OPCML: variants seen among roughly 807,000 people sequenced by gnomAD.
The protein encoded by OPCML is opioid-binding protein/cell adhesion molecule.
OPCML carries 13 observed loss-of-function variants against 37.8 expected under a neutral mutation model. The ratio of observed to expected loss-of-function variants is 0.34; its 90% CI spans 0.22 to 0.55. The LOEUF (loss-of-function observed/expected upper bound fraction) is 0.55. OPCML is among the 20% of genes least tolerant of loss of function. OPCML has a pLI of 0.91. For missense variants in OPCML, 341 were observed against 435.6 expected (o/e 0.78, Z 1.93); for synonymous variants, 176 against 168.8 (o/e 1.04, Z -0.33).
chr11:133,001,456 T>C (rs1947002229), intron 1 of OPCML, among the ~76,000 whole-genome samples: 1 of 152,232 alleles, frequency 6.6e-6, no homozygotes, highest in African/African-American at 2.4e-5. Context: ...ATGCTATCAT[T>C]GGGTGACTTT....
intron 4 of OPCML, among the ~76,000 whole-genome samples, chr11:132,438,936 C>A (rs2136757648): frequency 6.6e-6 from 1 of 152,208 alleles, no homozygotes; most frequent in Admixed American, 6.5e-5. Flanking sequence ...CCATGTCCTA[C>A]CCCAGGTCAT....
At chr11:133,078,228 A>C (rs1948653297) in intron 1 of OPCML, among the ~76,000 whole-genome samples, 1 of 152,196 alleles carries the variant, frequency 6.6e-6, no homozygotes, top group Admixed American at 6.5e-5. Context: ...CAATGAACTC[A>C]AGATGCGTGC....
intron 1 of OPCML, among the ~76,000 whole-genome samples, chr11:132,949,432 G>T (rs1945812420): frequency 6.6e-6 from 1 of 152,160 alleles, no homozygotes; most frequent in Non-Finnish European, 1.5e-5. Flanking sequence ...GGTGGGCCTT[G>T]TTGGGCAGCA....
chr11:133,297,326 T>G (rs974744126), intron 1 of OPCML: 7 of 152,192 alleles, frequency 4.6e-5, no homozygotes, highest in African/African-American at 1.4e-4. Context: ...AAGCTCCAAG[T>G]AAAACCCAAG....
intron 2 of OPCML, among the ~76,000 whole-genome samples, chr11:132,759,070 G>C (rs1479579872): frequency 6.6e-6 from 1 of 152,138 alleles, no homozygotes; most frequent in Non-Finnish European, 1.5e-5. Flanking sequence ...ATGTGGTTTT[G>C]TCATTGGTTC....
chr11:133,219,611 G>A (rs1483500976), intron 1 of OPCML, among the ~76,000 whole-genome samples: 4 of 152,266 alleles, frequency 2.6e-5, no homozygotes, highest in Admixed American at 2.0e-4. Context: ...TCTGCAGTGT[G>A]ATGAGAAGAC....
intron 3 of OPCML, among the ~76,000 whole-genome samples, chr11:132,532,207 G>A (rs143520433): frequency 0.027 from 4,080 of 152,220 alleles, 88 homozygotes; most frequent in Middle Eastern, 0.092. Flanking sequence ...AAGTGGGATC[G>A]CGAAGACTAA....
intron 2 of OPCML, among the ~76,000 whole-genome samples, chr11:132,804,291 A>G (rs1478633230): frequency 1.3e-5 from 2 of 152,148 alleles, no homozygotes; most frequent in Non-Finnish European, 1.5e-5. Flanking sequence ...GCAGAGTACT[A>G]TGTTTCTGCG....
At chr11:132,728,570 G>T (rs1383202008) in intron 2 of OPCML, among the ~76,000 whole-genome samples, 2 of 151,982 alleles carry the variant, frequency 1.3e-5, no homozygotes, top group African/African-American at 4.8e-5. Flanking sequence ...GATTTGTTTG[G>T]TTTTTGAAGT....
chr11:133,348,991 G>A (rs1490328499), intron 1 of OPCML, among the ~76,000 whole-genome samples: 1 of 152,158 alleles, frequency 6.6e-6, no homozygotes, highest in Admixed American at 6.5e-5. Flanking sequence ...GTGTGTCATA[G>A]GGGTGCGGGG....
intron 4 of OPCML, among the ~76,000 whole-genome samples, chr11:132,491,853 G>T (rs1197382142): frequency 6.6e-6 from 1 of 151,760 alleles, no homozygotes; most frequent in African/African-American, 2.4e-5. Flanking sequence ...GACAAATTAT[G>T]CAGTATAAAG....
At chr11:132,455,969 T>C (rs370640309) in intron 4 of OPCML, among the ~76,000 whole-genome samples, 6 of 152,320 alleles carry the variant, frequency 3.9e-5, no homozygotes, top group Non-Finnish European at 8.8e-5. Flanking sequence ...TAAAATCCTC[T>C]ATTAAAATTT....
At chr11:132,918,002 T>C (rs558580047) in intron 2 of OPCML, among the ~76,000 whole-genome samples, 7 of 152,198 alleles carry the variant, frequency 4.6e-5, no homozygotes, top group Non-Finnish European at 8.8e-5. Context: ...GTGGCCACTT[T>C]TAAAAAATTG....
At chr11:132,459,308 G>A (rs1041203786) in intron 4 of OPCML, among the ~76,000 whole-genome samples, 1 of 151,724 alleles carries the variant, frequency 6.6e-6, no homozygotes, top group Non-Finnish European at 1.5e-5. Flanking sequence ...TACACCATCT[G>A]CTCCCCTGGG....
intron 1 of OPCML, among the ~76,000 whole-genome samples, chr11:133,246,002 A>G (rs948417818): frequency 7.9e-5 from 12 of 152,024 alleles, no homozygotes; most frequent in African/African-American, 2.7e-4. Flanking sequence ...GAGCATTAGG[A>G]CAATGCATGT....
rs574567830 is a variant in OPCML at position 133,179,610 on chromosome 11, C to T, written c.62-236600G>A. ...GATACTGAGAGGTCAAAGGAGAGCA[C>T]GACCCATTCTGAAGAAGCTCAGAGT... On this transcript the variant is annotated intron_variant, in intron 1 of 7. Coordinates refer to ENST00000524381, the MANE Select transcript of OPCML (RefSeq NM_001012393.5). Among the ~76,000 whole-genome samples the T allele has an allele frequency of 1.9e-3, 282 of 152,186 alleles. 2 individuals carry two copies. Among genetic ancestry groups the T allele is most frequent in the Non-Finnish European group, 2.0e-3 (136 of 68,016 alleles).
intron 4 of OPCML, among the ~76,000 whole-genome samples, chr11:132,460,655 G>A (rs1471638812): frequency 6.6e-6 from 1 of 152,148 alleles, no homozygotes; most frequent in East Asian, 1.9e-4. Flanking sequence ...AGCGACTTGG[G>A]GCTATCTTTT....
intron 1 of OPCML, among the ~76,000 whole-genome samples, chr11:133,434,203 G>T (rs186117666): frequency 1.3e-5 from 2 of 152,148 alleles, no homozygotes; most frequent in Middle Eastern, 3.4e-3. Context: ...AAAGCTCCCT[G>T]CCTCCTCACT....
chr11:133,453,923 T>C (rs773827198), intron 1 of OPCML, among the ~76,000 whole-genome samples: 3 of 152,104 alleles, frequency 2.0e-5, no homozygotes, highest in Non-Finnish European at 4.4e-5. Context: ...TATTTGAAGG[T>C]AGATAAAAGG....
Sources: gnomAD v4.1 joint callset for allele counts (sites outside exome capture counted in the v4.1 genomes callset) on GRCh38, gnomAD v4.1.1 for gene constraint, MANE v1.5 for transcripts, NCBI Gene and HGNC (gene_info 2026-07-23, HGNC 2026-07-21) for gene names.